ENTPD1: variants seen among roughly 807,000 people sequenced by gnomAD.
ENTPD1 encodes the protein ATP diphosphohydrolase.
ENTPD1 carries 33 observed loss-of-function variants against 57.0 expected under a neutral mutation model. The observed-to-expected ratio is 0.58, with a 90% CI of 0.44 to 0.77. ENTPD1 has a LOEUF of 0.77. Among genes scored for constraint, ENTPD1 ranks in the 30% least tolerant of loss-of-function variants. ENTPD1 has a pLI of 0.00. For synonymous variants in ENTPD1, 202 were observed against 218.8 expected (o/e 0.92, Z 0.68); for missense variants, 501 against 603.4 (o/e 0.83, Z 1.78).
At chr10:95,854,343 C>G (rs1423709863) in intron 7 of ENTPD1, among the ~76,000 whole-genome samples, 6 of 152,132 alleles carry the variant, frequency 3.9e-5, no homozygotes, top group Non-Finnish European at 8.8e-5. Flanking sequence ...ATTAGTCTTG[C>G]TAGCAGTCTA....
intron 3 of ENTPD1, among the ~76,000 whole-genome samples, chr10:95,840,282 T>C: frequency 6.6e-6 from 1 of 152,244 alleles, no homozygotes; most frequent in East Asian, 1.9e-4. Context: ...CAAACTTGCA[T>C]GAGCTTGTTA....
At chr10:95,719,311 G>C (rs2097975004) in intron 1 of ENTPD1, among the ~76,000 whole-genome samples, 1 of 152,198 alleles carries the variant, frequency 6.6e-6, no homozygotes, top group African/African-American at 2.4e-5. Flanking sequence ...TGGGGCTTCG[G>C]TTAGGGCCTT....
At chr10:95,703,443 T>C in the ENTPD1 span, among the ~76,000 whole-genome samples, 59 of 152,364 alleles carry the variant, frequency 3.9e-4, no homozygotes, top group East Asian at 9.8e-3. Flanking sequence ...TACAATTACC[T>C]GAAGAAACAC....
At chr10:95,719,269 GAA>G (rs1003465867) in intron 1 of ENTPD1, among the ~76,000 whole-genome samples, 1 of 152,154 alleles carries the variant, frequency 6.6e-6, no homozygotes, top group Non-Finnish European at 1.5e-5. Flanking sequence ...GACATATAAA[GAA>G]AAGTCTCGCT....
chr10:95,810,692 A>G (rs142341639), intron 1 of ENTPD1, among the ~76,000 whole-genome samples: 5 of 152,366 alleles, frequency 3.3e-5, no homozygotes, highest in African/African-American at 9.6e-5. Flanking sequence ...GGAGATACTG[A>G]AGCCACAAGA....
At position 95,871,966 on chromosome 10, in the gene ENTPD1, A is replaced by G. The variant is rs2098480942; in HGVS notation, c.*5583A>G. On this transcript the variant is annotated 3_prime_UTR_variant, in exon 10 of 10. Coordinates refer to ENST00000371205, the MANE Select transcript of ENTPD1 (RefSeq NM_001776.6). ...GCAATTACCTAAACTGAACTCTACC[A>G]TTACTCCTAACCCAGTTCCTCCTCC... The G allele has an allele frequency of 1.0e-6, 1 of 985,278 alleles. No homozygotes were observed. The highest frequency in any genetic ancestry group is 6.2e-5 in the Admixed American group (1 of 16,256). The allele number at this position is 985,278 out of a possible 1,614,324, so 61.0% of individuals were successfully genotyped here. A position where few individuals can be genotyped will look rare whatever the true frequency, so the allele number is the denominator to read the frequency against.
the ENTPD1 span, among the ~76,000 whole-genome samples, chr10:95,695,470 G>C: frequency 6.6e-6 from 1 of 152,164 alleles, no homozygotes; most frequent in African/African-American, 2.4e-5. Context: ...ATTTAACTCA[G>C]GTAAGTTTTA....
At chr10:95,776,675 G>T (rs2098135350) in intron 1 of ENTPD1, among the ~76,000 whole-genome samples, 1 of 152,058 alleles carries the variant, frequency 6.6e-6, no homozygotes, top group Non-Finnish European at 1.5e-5. Flanking sequence ...TTTGAATATT[G>T]GCCTGCCTTG....
chr10:95,866,863 C>G lies in ENTPD1; in HGVS notation c.*480C>G. Reference sequence around the variant, plus strand: ...ATGATGCCTTTGGAGAAGGCAGACACACATTCCATTCCCAGCCTGCTCTGT... The same window carrying G: ...ATGATGCCTTTGGAGAAGGCAGACAGACATTCCATTCCCAGCCTGCTCTGT... On this transcript the variant is annotated 3_prime_UTR_variant, in exon 10 of 10. Transcript: ENST00000371205. The G allele has an allele frequency of 1.9e-6, 2 of 1,036,846 alleles. No individual in the cohort carries two copies. The highest frequency in any genetic ancestry group is 7.1e-5 in the South Asian group (2 of 28,166). The allele number at this position is 1,036,846 out of a possible 1,614,324, so 64.2% of individuals were successfully genotyped here. A position where few individuals can be genotyped will look rare whatever the true frequency, so the allele number is the denominator to read the frequency against.
At chr10:95,851,990 T>C (rs896213784) in intron 7 of ENTPD1, among the ~76,000 whole-genome samples, 2 of 152,194 alleles carry the variant, frequency 1.3e-5, no homozygotes, top group African/African-American at 4.8e-5. Flanking sequence ...TTCTAGATCC[T>C]TGAGGAATCG....
the ENTPD1 span, among the ~76,000 whole-genome samples, chr10:95,706,229 T>C: frequency 6.6e-6 from 1 of 151,458 alleles, no homozygotes; most frequent in African/African-American, 2.4e-5. Context: ...TGTTGGACAG[T>C]GGTTATGTTA....
In ENTPD1 at chr10:95,758,002, C is replaced by CAAAA. The variant is rs57407553; in HGVS notation, c.16+1772_16+1775dup. 2.4e-3 allele frequency among the ~76,000 whole-genome samples: 64 copies of CAAAA among 26,396 alleles called. 5 individuals are homozygous for CAAAA. The highest frequency in any genetic ancestry group is 3.5e-3 in the African/African-American group (36 of 10,426). 17.3% of individuals were successfully genotyped at this position (26,396 alleles called of 152,430 possible). The stretch of plus-strand genomic sequence containing the variant: ...CCTGGGCGAGAGTGAGACACTGTCT[C>CAAAA]AAAAAAAAAAAAAAAAAAAAAAAAA... On this transcript the variant is annotated intron_variant, in intron 1 of 9. Coordinates refer to ENST00000371205, the MANE Select transcript of ENTPD1 (RefSeq NM_001776.6).
In ENTPD1 at chr10:95,871,000, A is replaced by T; in HGVS notation, c.*4617A>T. 1 of 985,410 alleles carries T rather than the reference A, an allele frequency of 1.0e-6. No individual in the cohort carries two copies. The highest frequency in any genetic ancestry group is 1.2e-6 in the Non-Finnish European group (1 of 829,926). The allele number at this position is 985,410 out of a possible 1,614,324, so 61.0% of individuals were successfully genotyped here. On this transcript the variant is annotated 3_prime_UTR_variant, in exon 10 of 10. Coordinates refer to ENST00000371205, the MANE Select transcript of ENTPD1 (RefSeq NM_001776.6). ...TGGTTTCTAGGGATATGTTCTCATG[A>T]TGAACCCCGCAGAGGCTCGTGAAAG... is the stretch of plus-strand genomic sequence containing the variant.
chr10:95,704,599 ACAGTGTAT>A, the ENTPD1 span, among the ~76,000 whole-genome samples: 43 of 152,282 alleles, frequency 2.8e-4, no homozygotes, highest in African/African-American at 9.6e-4. Flanking sequence ...TATAGGGATG[ACAGTGTAT>A]CTGTACTCCT....
chr10:95,845,507 T>C lies in ENTPD1; in HGVS notation c.724T>C (p.Tyr242His). ...AGATAATGCTCTGCAATTTCGCCTC[T>C]ATGGCAAGGACTACAATGTCTACAC... Reference protein sequence around the residue: ...SPDNALQFRLYGKDYNVYTHS... With the variant: ...SPDNALQFRLHGKDYNVYTHS... Residue 242 changes from tyrosine (Y) to histidine (H), a missense_variant, in exon 6 of 10, where the codon TAT becomes CAT. Transcript: ENST00000371205. 3.1e-6 allele frequency: 5 copies of C among 1,614,222 alleles called. No homozygotes were observed. Among genetic ancestry groups the C allele is most frequent in the Non-Finnish European group, 4.2e-6 (5 of 1,180,050 alleles).
intron 1 of ENTPD1, among the ~76,000 whole-genome samples, chr10:95,714,697 A>T (rs773617709): frequency 6.6e-6 from 1 of 152,216 alleles, no homozygotes; most frequent in African/African-American, 2.4e-5. Flanking sequence ...TCATTTATTT[A>T]TTCATTTGTG....
At chr10:95,765,795 T>C (rs1254368084) in intron 1 of ENTPD1, among the ~76,000 whole-genome samples, 1 of 152,182 alleles carries the variant, frequency 6.6e-6, no homozygotes, top group East Asian at 1.9e-4. Flanking sequence ...CTTAAAAATA[T>C]TAAATCTTCT....
intron 2 of ENTPD1, among the ~76,000 whole-genome samples, chr10:95,835,187 A>G (rs1348740171): frequency 6.6e-6 from 1 of 152,098 alleles, no homozygotes; most frequent in Non-Finnish European, 1.5e-5. Flanking sequence ...AAGAATATGC[A>G]GTATTTGGTT....
chr10:95,818,377 G>A (rs549796373), intron 1 of ENTPD1, among the ~76,000 whole-genome samples: 10 of 152,200 alleles, frequency 6.6e-5, no homozygotes, highest in Non-Finnish European at 1.3e-4. Flanking sequence ...AATTTCTGAA[G>A]GGCTTGGAGG....
Sources: gnomAD v4.1 joint callset for allele counts (sites outside exome capture counted in the v4.1 genomes callset) on GRCh38, gnomAD v4.1.1 for gene constraint, MANE v1.5 for transcripts, NCBI Gene and HGNC (gene_info 2026-07-23, HGNC 2026-07-21) for gene names.